SPINK9: variants seen among roughly 807,000 people sequenced by gnomAD.
The protein encoded by SPINK9 is serine protease inhibitor Kazal-type 9.
In SPINK9, 3 loss-of-function variants were observed where a neutral mutation model predicts 10.8. The observed-to-expected ratio is 0.28, with a 90% confidence interval of 0.13 to 0.72. SPINK9 has a LOEUF of 0.72. SPINK9 is among the 30% of genes least tolerant of loss of function. The pLI, the probability that SPINK9 is intolerant of heterozygous loss-of-function variation, is 0.74. For synonymous variants in SPINK9, 30 were observed against 31.2 expected (o/e 0.96, Z 0.12); for missense variants, 101 against 103.2 (o/e 0.98, Z 0.09).
At chr5:148,321,916 AT>A (rs200160628) in intron 1 of SPINK9, among the ~76,000 whole-genome samples, 1 of 152,078 alleles carries the variant, frequency 6.6e-6, no homozygotes, top group African/African-American at 2.4e-5. Flanking sequence ...AGCCCTAGCA[AT>A]TTTTTTTGTC....
At chr5:148,321,668 A>G (rs2113407070) in intron 1 of SPINK9, among the ~76,000 whole-genome samples, 1 of 152,300 alleles carries the variant, frequency 6.6e-6, no homozygotes, top group Non-Finnish European at 1.5e-5. Context: ...AAAATAAGTT[A>G]TAACTAAAAT....
intron 3 of SPINK9, 133 bp downstream of exon 3, chr5:148,338,738 T>C: frequency 1.7e-6 from 1 of 587,782 alleles, no homozygotes; most frequent in East Asian, 3.3e-5. Flanking sequence ...AACCTTCCAG[T>C]TGGTAGAATT....
At chr5:148,336,128 T>C (rs1757214474) in intron 1 of SPINK9, among the ~76,000 whole-genome samples, 1 of 152,206 alleles carries the variant, frequency 6.6e-6, no homozygotes. Context: ...TTATTTCTTC[T>C]GTCTCTACTG....
chr5:148,336,954 T>C (rs1235148494), intron 2 of SPINK9, among the ~76,000 whole-genome samples: 1 of 152,232 alleles, frequency 6.6e-6, no homozygotes, highest in East Asian at 1.9e-4. Flanking sequence ...TCTTATTTGG[T>C]ACTCAATTTG....
upstream of SPINK9, among the ~76,000 whole-genome samples, chr5:148,333,327 T>G (rs1757174126): frequency 2.6e-5 from 4 of 152,356 alleles, no homozygotes; most frequent in South Asian, 8.3e-4. Context: ...GTTCTTGGTT[T>G]CGTGCAGGAA....
chr5:148,329,399 C>T (rs1476864577), intron 2 of SPINK9, among the ~76,000 whole-genome samples: 2 of 151,896 alleles, frequency 1.3e-5, no homozygotes, highest in African/African-American at 4.8e-5. Context: ...TCTCTCTTTT[C>T]TTCTTTATTA....
intron 2 of SPINK9, among the ~76,000 whole-genome samples, chr5:148,329,717 T>C (rs1757121480): frequency 6.6e-6 from 1 of 152,312 alleles, no homozygotes; most frequent in Non-Finnish European, 1.5e-5. Flanking sequence ...TTTGTTCTCG[T>C]TGGTTTCAAA....
At chr5:148,336,492 C>G (rs1757219415) in intron 2 of SPINK9, 39 bp downstream of exon 2, 6 of 1,587,236 alleles carry the variant, frequency 3.8e-6, no homozygotes, top group East Asian at 4.5e-5. Flanking sequence ...ATTTTAAAGT[C>G]AATATCAGTA....
At chr5:148,336,855 GA>G (rs1435398766) in intron 2 of SPINK9, among the ~76,000 whole-genome samples, 1 of 152,146 alleles carries the variant, frequency 6.6e-6, no homozygotes, top group Non-Finnish European at 1.5e-5. Context: ...CTCTGTCTTA[GA>G]AAATAAGGAC....
chr5:148,322,744 C>T (rs1283968232), intron 1 of SPINK9, among the ~76,000 whole-genome samples: 2 of 152,122 alleles, frequency 1.3e-5, no homozygotes, highest in Non-Finnish European at 2.9e-5. Context: ...GTCTAAATAA[C>T]GTTTGTTCTG....
At chr5:148,325,614 T>C (rs1389767089) in intron 2 of SPINK9, among the ~76,000 whole-genome samples, 2 of 152,116 alleles carry the variant, frequency 1.3e-5, no homozygotes, top group African/African-American at 2.4e-5. Flanking sequence ...AGATTTATTA[T>C]TGAACTGTAA....
chr5:148,324,439 T>A (rs1757033411), intron 2 of SPINK9, among the ~76,000 whole-genome samples: 1 of 152,082 alleles, frequency 6.6e-6, no homozygotes. Context: ...CTTACTCAAG[T>A]GATCAAAGTT....
chr5:148,331,357 A>G (rs2113418034), upstream of SPINK9, among the ~76,000 whole-genome samples: 1 of 152,372 alleles, frequency 6.6e-6, no homozygotes, highest in South Asian at 2.1e-4. Flanking sequence ...GCTAGGTGCA[A>G]TAAACCAAGC....
intron 2 of SPINK9, among the ~76,000 whole-genome samples, chr5:148,324,867 C>T (rs528305219): frequency 6.6e-6 from 1 of 151,944 alleles, no homozygotes; most frequent in East Asian, 1.9e-4. Flanking sequence ...CAATCATCAC[C>T]GCTATCTAAT....
In SPINK9 at chr5:148,335,688, C is replaced by T. The variant is rs1022632007; in HGVS notation, c.55+20C>T. On this transcript the variant is annotated intron_variant, in intron 1 of 3. Coordinates refer to ENST00000377906, the MANE Select transcript of SPINK9 (RefSeq NM_001040433.2). Reference sequence around the variant, plus strand: ...TGTTCAGTGAGTATCTCTGATAATACTGCCCCTGCCCTTGTACTAATAGCT... The same window carrying T: ...TGTTCAGTGAGTATCTCTGATAATATTGCCCCTGCCCTTGTACTAATAGCT... The T allele has an allele frequency of 1.9e-6, 3 of 1,612,118 alleles. No individual in the cohort carries two copies. Among genetic ancestry groups the T allele is most frequent in the Middle Eastern group, 1.6e-4 (1 of 6,072 alleles).
chr5:148,339,336 CAT>C (rs775121885), intron 3 of SPINK9, among the ~76,000 whole-genome samples: 2 of 151,522 alleles, frequency 1.3e-5, no homozygotes, highest in Non-Finnish European at 2.9e-5. Context: ...GAGCATCTAA[CAT>C]ATGTGGCATA....
chr5:148,322,303 A>G lies in SPINK9; in HGVS notation c.-73+903A>G, dbSNP rs539255217. On this transcript the variant is annotated intron_variant, in intron 1 of 4. Transcript: ENST00000511717. ...ATCTTTACCCCTGTGTGTGGTACAC[A>G]TAGAAAAACTTATGTCAATCCCTGC... 2.2e-4 allele frequency among the ~76,000 whole-genome samples: 33 copies of G among 152,336 alleles called. 1 individual carries two copies. The highest frequency in any genetic ancestry group is 2.0e-3 in the Admixed American group (31 of 15,304).
At chr5:148,338,796 G>C (rs1330060503) in intron 3 of SPINK9, among the ~76,000 whole-genome samples, 191 bp downstream of exon 3, 1 of 152,094 alleles carries the variant, frequency 6.6e-6, no homozygotes, top group Non-Finnish European at 1.5e-5. Context: ...GGAAGTAAGA[G>C]TGAATCAGAG....
chr5:148,328,191 G>C (rs987155469), intron 2 of SPINK9, among the ~76,000 whole-genome samples: 4 of 152,108 alleles, frequency 2.6e-5, no homozygotes, highest in African/African-American at 4.8e-5. Flanking sequence ...TTGAGCAGTG[G>C]TTTGTAGTTC....
Sources: gnomAD v4.1 joint callset for allele counts (sites outside exome capture counted in the v4.1 genomes callset) on GRCh38, gnomAD v4.1.1 for gene constraint, MANE v1.5 for transcripts, NCBI Gene and HGNC (gene_info 2026-07-23, HGNC 2026-07-21) for gene names.